NBAS: variants seen among roughly 807,000 people sequenced by gnomAD.
NBAS encodes NBAS subunit of NRZ tethering complex.
Under a neutral mutation model 302.5 loss-of-function variants are expected in NBAS, and 219 were observed. That is an observed-to-expected ratio of 0.72 (90% CI 0.65 to 0.81). The LOEUF (loss-of-function observed/expected upper bound fraction) is 0.81. Among genes scored for constraint, NBAS ranks in the 30% least tolerant of loss-of-function variants. The pLI is 0.00. For synonymous variants in NBAS, 1,118 were observed against 1,021.6 expected (o/e 1.09, Z -1.80); for missense variants, 2,932 against 2,841.6 (o/e 1.03, Z -0.72).
chr2:15,233,550 A>T (rs1305553781), intron 46 of NBAS, among the ~76,000 whole-genome samples: 1 of 152,224 alleles, frequency 6.6e-6, no homozygotes, highest in Non-Finnish European at 1.5e-5. Context: ...ACCAAAAGGT[A>T]TGAAATATGG....
At chr2:15,065,771 T>C in the NBAS span, among the ~76,000 whole-genome samples, 1 of 152,100 alleles carries the variant, frequency 6.6e-6, no homozygotes, top group Non-Finnish European at 1.5e-5. Context: ...AGATGCTACA[T>C]GTTTATGGAT....
intron 9 of NBAS, among the ~76,000 whole-genome samples, chr2:15,520,872 G>A (rs1662636076): frequency 6.6e-6 from 1 of 152,194 alleles, no homozygotes; most frequent in South Asian, 2.1e-4. Flanking sequence ...CAACAGTCAT[G>A]CCCTCTTAAG....
chr2:15,469,541 T>A (rs59538646), intron 16 of NBAS, among the ~76,000 whole-genome samples: 7,985 of 152,178 alleles, frequency 0.052, 668 homozygotes, highest in African/African-American at 0.17. Flanking sequence ...TGCACACGTA[T>A]GTTTATAGCG....
At chr2:15,034,229 A>G in the NBAS span, among the ~76,000 whole-genome samples, 1 of 50,330 alleles carries the variant, frequency 2.0e-5, no homozygotes, top group African/African-American at 1.1e-4. Flanking sequence ...AGAGGGAAAG[A>G]AAGAAGGAAA....
At chr2:14,818,370 C>T in the NBAS span, among the ~76,000 whole-genome samples, 712 of 152,250 alleles carry the variant, frequency 4.7e-3, 8 homozygotes, top group African/African-American at 0.016. Flanking sequence ...ATTTTATCTG[C>T]ATCTACCATC....
At chr2:15,440,607 C>A (rs974306975) in intron 21 of NBAS, among the ~76,000 whole-genome samples, 1 of 152,168 alleles carries the variant, frequency 6.6e-6, no homozygotes, top group Non-Finnish European at 1.5e-5. Context: ...AGCAACTCTC[C>A]TCCTCCAAAG....
chr2:15,496,126 AC>A (rs1439150241), intron 11 of NBAS, among the ~76,000 whole-genome samples: 4 of 151,216 alleles, frequency 2.6e-5, no homozygotes, highest in Non-Finnish European at 4.4e-5. Flanking sequence ...ACACACACAC[AC>A]AATGGGCTAT....
At chr2:14,896,351 C>T in the NBAS span, among the ~76,000 whole-genome samples, 3 of 152,106 alleles carry the variant, frequency 2.0e-5, no homozygotes, top group Admixed American at 6.5e-5. Context: ...GTGTATTAAG[C>T]CTTTTTCAAA....
rs114231075 is a variant in NBAS, at chr2:15,211,618, G to A, written c.6432+7155C>T. ...CAACGTTTTTCTCGCTTATCCGTAG[G>A]AGGATTGAAGAGAAGATATTGTTGT... On this transcript the variant is annotated intron_variant, in intron 48 of 51. Transcript: ENST00000281513. 4.5e-3 allele frequency among the ~76,000 whole-genome samples: 689 copies of A among 152,208 alleles called. 2 individuals are homozygous for A. The highest frequency in any genetic ancestry group is 7.2e-3 in the Non-Finnish European group (488 of 68,014).
intron 45 of NBAS, 106 bp from the exon 46 acceptor site, chr2:15,234,853 C>T (rs1667525253): frequency 8.8e-7 from 1 of 1,133,072 alleles, no homozygotes; most frequent in Non-Finnish European, 1.3e-6. Context: ...ACATGAAAAG[C>T]AGCAACACCA....
At chr2:15,217,954 C>A (rs1396191315) in intron 48 of NBAS, among the ~76,000 whole-genome samples, 1 of 152,076 alleles carries the variant, frequency 6.6e-6, no homozygotes, top group Non-Finnish European at 1.5e-5. Context: ...ATTAAGCTTG[C>A]AATGGTTAGA....
the NBAS span, chr2:14,886,558 G>A: frequency 1.3e-5 from 2 of 152,138 alleles, no homozygotes; most frequent in Non-Finnish European, 2.9e-5. Flanking sequence ...ATTGTACCTA[G>A]TATAGGCCTT....
chr2:15,478,612 A>AT (rs1186558852), intron 12 of NBAS, among the ~76,000 whole-genome samples: 1 of 152,226 alleles, frequency 6.6e-6, no homozygotes, highest in African/African-American at 2.4e-5. Flanking sequence ...CATGTGATGA[A>AT]TAAACACTGG....
At chr2:15,339,128 G>GA (rs1480269477) in intron 35 of NBAS, among the ~76,000 whole-genome samples, 2 of 151,864 alleles carry the variant, frequency 1.3e-5, no homozygotes, top group Non-Finnish European at 2.9e-5. Context: ...CTACATTCTG[G>GA]AAAAAATAGA....
chr2:14,900,339 T>C, the NBAS span, among the ~76,000 whole-genome samples: 25 of 152,068 alleles, frequency 1.6e-4, no homozygotes, highest in South Asian at 2.3e-3. Context: ...ATTTTCCCAC[T>C]AAATGTGCCT....
intron 12 of NBAS, among the ~76,000 whole-genome samples, chr2:15,488,683 A>C (rs557819062): frequency 6.6e-6 from 1 of 152,284 alleles, no homozygotes; most frequent in East Asian, 1.9e-4. Flanking sequence ...CTGTATACAG[A>C]GTGTACCACA....
chr2:15,444,032 T>C (rs1461281319), intron 21 of NBAS, among the ~76,000 whole-genome samples: 2 of 151,718 alleles, frequency 1.3e-5, no homozygotes, highest in East Asian at 1.9e-4. Context: ...GAACATTCCA[T>C]GCTCATGGGT....
chr2:15,345,084 T>C (rs1295113808), intron 35 of NBAS, among the ~76,000 whole-genome samples: 1 of 152,180 alleles, frequency 6.6e-6, no homozygotes, highest in African/African-American at 2.4e-5. Flanking sequence ...AGCATTCTCT[T>C]TGAAAACTGG....
At chr2:15,382,237 A>G (rs553550524) in intron 29 of NBAS, among the ~76,000 whole-genome samples, 2 of 152,306 alleles carry the variant, frequency 1.3e-5, no homozygotes, top group East Asian at 1.9e-4. Context: ...ACACAGGTGT[A>G]CATATCTATT....
Sources: allele counts gnomAD v4.1 joint callset (sites outside exome capture counted in the v4.1 genomes callset), GRCh38; gene constraint gnomAD v4.1.1; transcripts MANE v1.5; gene names NCBI Gene and HGNC (gene_info 2026-07-23, HGNC 2026-07-21).